RPP40: variants seen among roughly 807,000 people sequenced by gnomAD.
RPP40 encodes ribonuclease P/MRP subunit p40.
RPP40 carries 30 observed loss-of-function variants against 42.5 expected under a neutral mutation model. The ratio of observed to expected loss-of-function variants is 0.71; its 90% CI spans 0.53 to 0.96. The LOEUF is 0.96. Ranked by LOEUF, RPP40 falls within the 40% of genes least tolerant of loss-of-function variation. RPP40 has a pLI of 0.00. For missense variants in RPP40, 426 were observed against 433.5 expected, an observed-to-expected ratio of 0.98 and a Z score of 0.15; for synonymous variants, 173 against 164.0, an observed-to-expected ratio of 1.05 and a Z score of -0.42.
At chr6:4,989,666 T>C in the RPP40 span, among the ~76,000 whole-genome samples, 25 of 152,342 alleles carry the variant, frequency 1.6e-4, no homozygotes, top group East Asian at 4.4e-3. Flanking sequence ...GTCAGACTTA[T>C]CCCAGGTATT....
downstream of RPP40, among the ~76,000 whole-genome samples, chr6:4,989,845 G>A (rs1366648606): frequency 1.3e-5 from 2 of 152,154 alleles, no homozygotes; most frequent in African/African-American, 4.8e-5. Flanking sequence ...TGTAGAGTCC[G>A]CTGAATTTTG....
rs114795551 is a variant in RPP40 at position 4,997,365 on chromosome 6, T to C, written c.560-945A>G. Among the ~76,000 whole-genome samples, 765 of 152,324 alleles carry C rather than the reference T, an allele frequency of 5.0e-3. 7 individuals carry two copies. Among genetic ancestry groups the C allele is most frequent in the African/African-American group, 0.017 (700 of 41,580 alleles). On this transcript the variant is annotated intron_variant, in intron 5 of 7. Coordinates refer to ENST00000380051, the MANE Select transcript of RPP40 (RefSeq NM_006638.4). ...AACGTCAGAGGAACAGTGAATTCGC[T>C]GTCCCTTGGAGCTGGGACTCCCTTC... is the stretch of plus-strand genomic sequence containing the variant.
chr6:4,990,960 T>C (rs1406643638), downstream of RPP40, among the ~76,000 whole-genome samples: 1 of 152,186 alleles, frequency 6.6e-6, no homozygotes, highest in Non-Finnish European at 1.5e-5. Flanking sequence ...TTCCTTACTA[T>C]CCTTTTCTAT....
downstream of RPP40, among the ~76,000 whole-genome samples, chr6:4,993,542 G>A (rs1031336930): frequency 6.6e-6 from 1 of 152,094 alleles, no homozygotes; most frequent in African/African-American, 2.4e-5. Flanking sequence ...TTTTACACTT[G>A]TGATTTTTTT....
At chr6:5,003,345 T>TAAAA (rs1554114544) in intron 1 of RPP40, among the ~76,000 whole-genome samples, 7 of 76,570 alleles carry the variant, frequency 9.1e-5, no homozygotes, top group African/African-American at 1.7e-4. Context: ...AAACTCCGTC[T>TAAAA]AAAAAAAAAA....
chr6:4,992,967 A>G (rs1759281257), downstream of RPP40, among the ~76,000 whole-genome samples: 1 of 152,346 alleles, frequency 6.6e-6, no homozygotes, highest in South Asian at 2.1e-4. Context: ...GTGTATGAGA[A>G]CTTTACAATA....
rs1759437537 is a variant in RPP40, at chr6:4,998,124, C to T, written c.559+592G>A. ...TAAAACAGACCACCATGCTTCCTAT[C>T]CTCCAAAAGAGAGTACTACACCATA... On this transcript the variant is annotated intron_variant, in intron 5 of 7. Transcript: ENST00000380051. 2.6e-5 allele frequency among the ~76,000 whole-genome samples: 4 copies of T among 152,188 alleles called. 1 individual carries two copies. In the South Asian group the frequency reaches 8.3e-4, roughly 32 times the overall value.
At chr6:4,992,044 G>A (rs577337963), downstream of RPP40, among the ~76,000 whole-genome samples, 10 of 152,254 alleles carry the variant, frequency 6.6e-5, no homozygotes, top group South Asian at 6.2e-4. Context: ...CTGCAGAAAC[G>A]TGAGCCAATT....
At chr6:5,001,084 G>A (rs376123383) in intron 2 of RPP40, 28 of 457,040 alleles carry the variant, frequency 6.1e-5, no homozygotes, top group East Asian at 2.1e-4. Flanking sequence ...GACTCAGAAC[G>A]GAACGTGACC....
intron 1 of RPP40, 167 bp downstream of exon 1, chr6:5,003,713 T>G: frequency 3.7e-6 from 3 of 818,566 alleles, no homozygotes; most frequent in Non-Finnish European, 5.4e-6. Flanking sequence ...TGCAAGCCAC[T>G]GGCTTAGAGC....
chr6:4,991,118 CAT>C (rs1245821954), downstream of RPP40, among the ~76,000 whole-genome samples: 1 of 152,052 alleles, frequency 6.6e-6, no homozygotes, highest in Non-Finnish European at 1.5e-5. Flanking sequence ...TTGATTCATT[CAT>C]TTTTCTCTAT....
chr6:5,002,147 A>G lies in RPP40; in HGVS notation c.222T>C (p.Leu74=), dbSNP rs373860199. The stretch of plus-strand genomic sequence containing the variant: ...TGAATTCAGGTGTAATTAATTCATG[A>G]AGAGGTAAATTCTTCACAAAGTAAT... ...GPYYFVKNLP[L]HELITPEFIS... The change falls in exon 2 of 8, where the codon CTT becomes CTC. Residue 74 remains leucine, a synonymous_variant. Coordinates refer to ENST00000380051, the MANE Select transcript of RPP40 (RefSeq NM_006638.4). 6.2e-7 allele frequency: 1 copy of G among 1,612,726 alleles called. No homozygotes were observed. The highest frequency in any genetic ancestry group is 1.3e-5 in the African/African-American group (1 of 74,892).
At chr6:4,996,766 G>C (rs1186180106) in intron 5 of RPP40, among the ~76,000 whole-genome samples, 1 of 152,194 alleles carries the variant, frequency 6.6e-6, no homozygotes, top group South Asian at 2.1e-4. Context: ...CAGAGAGAAG[G>C]AGCTTATCTG....
rs879865247 is a variant in RPP40, at chr6:4,994,766, T to C, written c.*312A>G. ...TCTGAAAAAGTTGTAATGAACAAAA[T>C]ATATCTCAACCAATGGAGTGAGATG... On this transcript the variant is annotated 3_prime_UTR_variant, in exon 8 of 8. Transcript: ENST00000380051. 2 of 291,820 alleles carry C rather than the reference T, an allele frequency of 6.9e-6. No individual in the cohort carries two copies. Among genetic ancestry groups the C allele is most frequent in the African/African-American group, 2.1e-5 (1 of 46,836 alleles). The allele number at this position is 291,820 out of a possible 1,614,324, so 18.1% of individuals were successfully genotyped here. A position where few individuals can be genotyped will look rare whatever the true frequency, so the allele number is the denominator to read the frequency against.
At chr6:5,000,752 C>T in intron 2 of RPP40, 121 bp from the exon 3 acceptor site, 2 of 667,702 alleles carry the variant, frequency 3.0e-6, no homozygotes, top group South Asian at 1.7e-5. Context: ...TCTACCCCTG[C>T]TCCAGCTCAC....
chr6:4,995,060 A>AC lies in RPP40; in HGVS notation c.*17_*18insG, dbSNP rs1249122486. 6.3e-7 allele frequency: 1 copy of AC among 1,599,456 alleles called. No individual in the cohort carries two copies. The highest frequency in any genetic ancestry group is 1.7e-5 in the Admixed American group (1 of 58,234). On this transcript the variant is annotated 3_prime_UTR_variant, in exon 8 of 8. Transcript: ENST00000380051. ...GCAAGCGTAAATGTAAGTAAACACG[A>AC]TTTTTAATTTTTATTTTTTATGGTG...
At chr6:5,003,323 G>A (rs1759630168) in intron 1 of RPP40, among the ~76,000 whole-genome samples, 1 of 126,382 alleles carries the variant, frequency 7.9e-6, no homozygotes, top group Non-Finnish European at 1.6e-5. Context: ...CTCCAGCCTG[G>A]GCGACAGAGC....
chr6:4,992,429 A>C (rs1354044110), downstream of RPP40, among the ~76,000 whole-genome samples: 1 of 151,524 alleles, frequency 6.6e-6, no homozygotes, highest in African/African-American at 2.4e-5. Flanking sequence ...TCTTTTCTTT[A>C]TAAGCTACCC....
intron 1 of RPP40, chr6:5,003,442 G>A (rs1054917022): frequency 1.3e-5 from 2 of 157,460 alleles, no homozygotes; most frequent in South Asian, 1.9e-4. Flanking sequence ...AGGTGGGAGA[G>A]GGATTCAAGC....
Sources: allele counts gnomAD v4.1 joint callset (sites outside exome capture counted in the v4.1 genomes callset), GRCh38; gene constraint gnomAD v4.1.1; transcripts MANE v1.5; gene names NCBI Gene and HGNC (gene_info 2026-07-23, HGNC 2026-07-21).